NOTO: variants seen among roughly 807,000 people sequenced by gnomAD.
The protein encoded by NOTO is notochord homeobox, also known as homeobox protein notochord.
Under a neutral mutation model 20.5 loss-of-function variants are expected in NOTO, and 19 were observed. The observed-to-expected ratio is 0.93, with a 90% confidence interval of 0.65 to 1.36. The LOEUF is 1.36. NOTO is among the 40% of genes most tolerant of loss of function. The pLI is 0.00. For synonymous variants in NOTO, 150 were observed against 150.2 expected (o/e 1.00, Z 0.01); for missense variants, 369 against 336.2 (o/e 1.10, Z -0.76).
rs1265529101 is a variant in NOTO, at chr2:73,212,433, T to C, written c.*1504T>C. On this transcript the variant is annotated 3_prime_UTR_variant, in exon 3 of 3. Transcript: ENST00000398468. Reference sequence around the variant, plus strand: ...CCCCATCTTTTTATAGAATAATTTGTGTATGCCAAGGCTGGCATTTTGTCA... The same window carrying C: ...CCCCATCTTTTTATAGAATAATTTGCGTATGCCAAGGCTGGCATTTTGTCA... The C allele has an allele frequency of 1.3e-5, 2 of 152,244 alleles. No homozygotes were observed. Among genetic ancestry groups the C allele is most frequent in the African/African-American group, 2.4e-5 (1 of 41,474 alleles). 9.4% of individuals were successfully genotyped at this position (152,244 alleles called of 1,614,324 possible). A position where few individuals can be genotyped will look rare whatever the true frequency, so the allele number is the denominator to read the frequency against.
chr2:73,208,456 G>A lies in NOTO; in HGVS notation c.439G>A (p.Glu147Lys). 1 of 1,551,720 alleles carries A rather than the reference G, an allele frequency of 6.4e-7. No homozygotes were observed. The highest frequency in any genetic ancestry group is 8.7e-7 in the Non-Finnish European group (1 of 1,147,002). The part of the protein sequence containing the change: ...LWAFPDWAPT[E>K]DLQDTERQQK... ...GGCCTTCCCAGACTGGGCCCCAACG[G>A]AGGACCTACAGGACACTGAGAGACA... The change falls in exon 2 of 3, where the codon GAG (glutamate) becomes AAG (lysine). Residue 147 changes from glutamate (E) to lysine (K), a missense_variant. Physicochemically the swap from Glu to Lys is moderately conservative, Grantham distance 56. Coordinates refer to ENST00000398468, the MANE Select transcript of NOTO (RefSeq NM_001134462.2).
intron 1 of NOTO, among the ~76,000 whole-genome samples, chr2:73,205,581 G>A (rs552140924): frequency 3.9e-5 from 6 of 152,230 alleles, no homozygotes; most frequent in Middle Eastern, 6.8e-3. Flanking sequence ...TTTGATTATG[G>A]CGGTATTCTT....
At position 73,208,473 on chromosome 2, in the gene NOTO, T is replaced by C. The variant is rs17008862; in HGVS notation, c.456T>C (p.Thr152=). The C allele has an allele frequency of 0.074, 115,367 of 1,551,230 alleles. 4,890 individuals are homozygous for C. Among genetic ancestry groups the C allele is most frequent in the African/African-American group, 0.17 (12,127 of 73,026 alleles). ...CCCCAACGGAGGACCTACAGGACAC[T>C]GAGAGACAGCAAAAGAGAGTCCGAA... ...DWAPTEDLQD[T]ERQQKRVRTM... is the part of the protein sequence containing the mutation. The change falls in exon 2 of 3, where the codon ACT becomes ACC. Residue 152 remains threonine, a synonymous_variant. Coordinates refer to ENST00000398468, the MANE Select transcript of NOTO (RefSeq NM_001134462.2).
At chr2:73,204,770 T>C (rs1416763951) in intron 1 of NOTO, among the ~76,000 whole-genome samples, 2 of 152,084 alleles carry the variant, frequency 1.3e-5, no homozygotes, top group Non-Finnish European at 2.9e-5. Context: ...AGTGGCGCTA[T>C]CTCTGCTCAC....
Position 73,202,895 on chromosome 2 carries a change from G to C in NOTO, c.229G>C (p.Ala77Pro). 6.5e-7 allele frequency: 1 copy of C among 1,528,848 alleles called. No individual in the cohort carries two copies. The highest frequency in any genetic ancestry group is 1.2e-5 in the South Asian group (1 of 83,174). The allele number at this position is 1,528,848 out of a possible 1,614,324, so 94.7% of individuals were successfully genotyped here. A position where few individuals can be genotyped will look rare whatever the true frequency, so the allele number is the denominator to read the frequency against. Reference protein sequence around the residue: ...QPSGSACVHPAFWTAASLCAT... With the variant: ...QPSGSACVHPPFWTAASLCAT... ...GTCGGGCTCCGCCTGCGTCCACCCGGCCTTCTGGACCGCTGCTTCCCTGTG... is the reference window on the plus strand; with the variant it reads ...GTCGGGCTCCGCCTGCGTCCACCCGCCCTTCTGGACCGCTGCTTCCCTGTG... Residue 77 changes from alanine (A) to proline (P), a missense_variant, in exon 1 of 3, where the codon GCC becomes CCC. Coordinates refer to ENST00000398468, the MANE Select transcript of NOTO (RefSeq NM_001134462.2).
At chr2:73,204,870 A>ATTTTTTTTTTTTTTTTTTTTTTTTTT (rs763001329) in intron 1 of NOTO, among the ~76,000 whole-genome samples, 1 of 93,014 alleles carries the variant, frequency 1.1e-5, no homozygotes, top group Non-Finnish European at 1.9e-5. Context: ...TGCCCGGCTA[A>ATTTTTTTTTTTTTTTTTTTTTTTTTT]TTTTTTTTAT....
In NOTO at chr2:73,210,921, G is replaced by A; in HGVS notation, c.748G>A (p.Asp250Asn). 6.4e-7 allele frequency: 1 copy of A among 1,550,708 alleles called. No individual in the cohort carries two copies. The highest frequency in any genetic ancestry group is 2.4e-5 in the East Asian group (1 of 40,878). The change falls in exon 3 of 3, where the codon GAC becomes AAC. Residue 250 changes from aspartate to asparagine, a missense_variant. Transcript: ENST00000398468. Reference protein sequence around the residue: ...IQSDDAESGVDG With the variant: ...IQSDDAESGVNG ...GAGTGATGATGCCGAGTCAGGAGTG[G>A]ACGGCTGAAGACTGGGACAGAGGCC...
rs1346999131 is a variant in NOTO, at chr2:73,210,793, G to A, written c.620G>A (p.Arg207His). Residue 207 changes from arginine (R) to histidine (H), a missense_variant, in exon 3 of 3, where the codon CGC becomes CAC. Physicochemically the swap from Arg to His is conservative, Grantham distance 29 (BLOSUM62 0). Transcript: ENST00000398468. ...TAGGTGAGAGTCTGGTTCCAGAACC[G>A]CAGGGTCAAGTATCAGAAGCAGCAA... The part of the protein sequence containing the change: ...ENQVRVWFQN[R>H]RVKYQKQQKL... The A allele has an allele frequency of 5.8e-6, 9 of 1,550,892 alleles. No homozygotes were observed. The highest frequency in any genetic ancestry group is 3.6e-5 in the South Asian group (3 of 83,966).
In NOTO at chr2:73,210,709, G is replaced by A. The variant is rs892719793; in HGVS notation, c.598-62G>A. ...AGGCAGAGAGGGGTGTTCACTCCAG[G>A]AATTAGGAAGCAGTGGGACCTGATG... On this transcript the variant is annotated intron_variant, in intron 2 of 2. Transcript: ENST00000398468. 16 of 1,411,280 alleles carry A rather than the reference G, an allele frequency of 1.1e-5. No homozygotes were observed. In the African/African-American group the frequency reaches 2.0e-4, roughly 18 times the overall value. The allele number at this position is 1,411,280 out of a possible 1,614,324, so 87.4% of individuals were successfully genotyped here. A position where few individuals can be genotyped will look rare whatever the true frequency, so the allele number is the denominator to read the frequency against.
intron 1 of NOTO, among the ~76,000 whole-genome samples, chr2:73,207,536 T>G (rs964503910): frequency 6.6e-6 from 1 of 152,144 alleles, no homozygotes; most frequent in Admixed American, 6.6e-5. Context: ...AAATACCATC[T>G]ATATAAGCTG....
intron 2 of NOTO, 58 bp downstream of exon 2, chr2:73,208,672 G>A: frequency 8.9e-7 from 1 of 1,123,790 alleles, no homozygotes; most frequent in Non-Finnish European, 1.3e-6. Flanking sequence ...CACTACCTCA[G>A]CAAGGCCCTA....
At chr2:73,206,281 T>G (rs1280435684) in intron 1 of NOTO, among the ~76,000 whole-genome samples, 1 of 152,232 alleles carries the variant, frequency 6.6e-6, no homozygotes, top group Non-Finnish European at 1.5e-5. Flanking sequence ...ATTGACTTTC[T>G]TCTTGCTCTG....
intron 2 of NOTO, among the ~76,000 whole-genome samples, chr2:73,209,174 CAAA>C (rs1214608418): frequency 3.8e-5 from 2 of 53,298 alleles, no homozygotes; most frequent in Non-Finnish European, 8.1e-5. Flanking sequence ...GAGCCCGTCT[CAAA>C]AAAAAAAAAA....
At chr2:73,204,252 T>TC (rs1206048639) in intron 1 of NOTO, among the ~76,000 whole-genome samples, 1 of 152,198 alleles carries the variant, frequency 6.6e-6, no homozygotes, top group East Asian at 1.9e-4. Context: ...CACTCTAGCC[T>TC]GGGCAACAGA....
In NOTO at chr2:73,203,856, TTTG is replaced by T. The variant is rs1489915235; in HGVS notation, c.382+809_382+811del. Among the ~76,000 whole-genome samples the T allele has an allele frequency of 6.4e-3, 574 of 89,166 alleles. 6 individuals carry two copies. Among genetic ancestry groups the T allele is most frequent in the African/African-American group, 0.017 (237 of 14,234 alleles). 58.5% of individuals were successfully genotyped at this position (89,166 alleles called of 152,430 possible). On this transcript the variant is annotated intron_variant, in intron 1 of 2. Transcript: ENST00000398468. ...TGGCTCACGCCTGTAATCCCAGCAC[TTTG>T]GGAGGCCGAGACGGGCGGATCACGA...
chr2:73,202,577 A>G lies in NOTO; in HGVS notation c.-90A>G. 7.8e-7 allele frequency: 1 copy of G among 1,285,058 alleles called. No homozygotes were observed. The highest frequency in any genetic ancestry group is 1.0e-6 in the Non-Finnish European group (1 of 986,032). 79.6% of individuals were successfully genotyped at this position (1,285,058 alleles called of 1,614,324 possible). On this transcript the variant is annotated 5_prime_UTR_variant, in exon 1 of 3. Coordinates refer to ENST00000398468, the MANE Select transcript of NOTO (RefSeq NM_001134462.2). ...CTTCGCCGAGCGCCAGGAGGTTCCC[A>G]GACAACCGGTCTTGCTCGCTGCCTT... is the stretch of plus-strand genomic sequence containing the variant.
At position 73,202,611 on chromosome 2, in the gene NOTO, T is replaced by A. The variant is rs2103686748; in HGVS notation, c.-56T>A. The stretch of plus-strand genomic sequence containing the variant: ...GTCTTGCTCGCTGCCTTTTGCAGAA[T>A]CTTCTCACTTCTCCCGAGCTCCCTT... On this transcript the variant is annotated 5_prime_UTR_variant, in exon 1 of 3. Transcript: ENST00000398468. 1.4e-6 allele frequency: 2 copies of A among 1,387,154 alleles called. No homozygotes were observed. The highest frequency in any genetic ancestry group is 6.0e-5 in the East Asian group (2 of 33,146). The allele number at this position is 1,387,154 out of a possible 1,614,324, so 85.9% of individuals were successfully genotyped here.
chr2:73,204,424 T>C (rs1048446941), intron 1 of NOTO, among the ~76,000 whole-genome samples: 2 of 152,210 alleles, frequency 1.3e-5, no homozygotes, highest in Non-Finnish European at 2.9e-5. Flanking sequence ...GCAAAGTTAG[T>C]CCAAGCCTTA....
chr2:73,204,870 A>ATTT (rs763001329), intron 1 of NOTO, among the ~76,000 whole-genome samples: 5,151 of 91,534 alleles, frequency 0.056, 605 homozygotes, highest in East Asian at 0.078. Flanking sequence ...TGCCCGGCTA[A>ATTT]TTTTTTTTAT....
Sources: allele counts gnomAD v4.1 joint callset (sites outside exome capture counted in the v4.1 genomes callset), GRCh38; gene constraint gnomAD v4.1.1; transcripts MANE v1.5; gene names NCBI Gene and HGNC (gene_info 2026-07-23, HGNC 2026-07-21).